Variants in HLF observed in about 807,000 individuals in gnomAD.
HLF encodes the protein HLF transcription factor, PAR bZIP family member, also known as hepatic leukemia factor.
Under a neutral mutation model 22.6 loss-of-function variants are expected in HLF, and 3 were observed. The observed-to-expected ratio is 0.13, with a 90% CI of 0.06 to 0.34. The LOEUF (loss-of-function observed/expected upper bound fraction) is 0.34. Among genes scored for constraint, HLF ranks in the 10% least tolerant of loss-of-function variants. The pLI, the probability that HLF is intolerant of heterozygous loss-of-function variation, is 1.00. For synonymous variants in HLF, 151 were observed against 151.8 expected, an observed-to-expected ratio of 0.99 and a Z score of 0.04; for missense variants, 299 against 389.2, an observed-to-expected ratio of 0.77 and a Z score of 1.95.
intron 2 of HLF, among the ~76,000 whole-genome samples, chr17:55,313,796 A>G (rs764369125): frequency 1.3e-5 from 2 of 152,100 alleles, no homozygotes; most frequent in Non-Finnish European, 2.9e-5. Flanking sequence ...CCAGCACCTC[A>G]GGGCCCATCT....
chr17:55,265,318 C>T lies in HLF; in HGVS notation c.-167C>T. The T allele has an allele frequency of 3.6e-6, 2 of 552,632 alleles. No individual in the cohort carries two copies. The highest frequency in any genetic ancestry group is 6.3e-6 in the Non-Finnish European group (2 of 316,050). The allele number at this position is 552,632 out of a possible 1,614,324, so 34.2% of individuals were successfully genotyped here. A position where few individuals can be genotyped will look rare whatever the true frequency, so the allele number is the denominator to read the frequency against. Reference sequence around the variant, plus strand: ...TTTTTTTTTAATATATATTTTTATGCAGATGTATTTATAAAGATATAAGTA... The same window carrying T: ...TTTTTTTTTAATATATATTTTTATGTAGATGTATTTATAAAGATATAAGTA... On this transcript the variant is annotated 5_prime_UTR_variant, in exon 1 of 4. The change creates a premature stop within an existing upstream ORF in the 5' untranslated region. Transcript: ENST00000226067.
At chr17:55,312,594 T>A (rs1256029864) in intron 2 of HLF, among the ~76,000 whole-genome samples, 3 of 152,240 alleles carry the variant, frequency 2.0e-5, no homozygotes, top group Non-Finnish European at 4.4e-5. Context: ...ACTTGAGATA[T>A]GTGGGTAGTA....
chr17:55,265,318 C>G lies in HLF; in HGVS notation c.-167C>G. The G allele has an allele frequency of 3.6e-6, 2 of 552,632 alleles. No homozygotes were observed. Among genetic ancestry groups the G allele is most frequent in the South Asian group, 2.4e-5 (1 of 41,966 alleles). The allele number at this position is 552,632 out of a possible 1,614,324, so 34.2% of individuals were successfully genotyped here. ...TTTTTTTTTAATATATATTTTTATG[C>G]AGATGTATTTATAAAGATATAAGTA... On this transcript the variant is annotated 5_prime_UTR_variant, in exon 1 of 4. Transcript: ENST00000226067.
intron 2 of HLF, among the ~76,000 whole-genome samples, chr17:55,277,274 T>TGTGCGCGC (rs71361764): frequency 8.8e-6 from 1 of 113,896 alleles, no homozygotes; most frequent in African/African-American, 3.3e-5. Context: ...TGTGTGTGTG[T>TGTGCGCGC]GCGCGCGCAT....
chr17:55,281,323 G>C (rs2080953431), intron 2 of HLF, among the ~76,000 whole-genome samples: 1 of 152,196 alleles, frequency 6.6e-6, no homozygotes, highest in African/African-American at 2.4e-5. Flanking sequence ...AGACCAGCCT[G>C]ACCAACATGG....
intron 2 of HLF, among the ~76,000 whole-genome samples, chr17:55,274,932 A>G (rs908296244): frequency 1.3e-5 from 2 of 152,194 alleles, no homozygotes; most frequent in Non-Finnish European, 2.9e-5. Flanking sequence ...AATTAAGAAC[A>G]CTGGTCAAGA....
chr17:55,310,521 T>C lies in HLF; in HGVS notation c.452-4706T>C, dbSNP rs116297853. On this transcript the variant is annotated intron_variant, in intron 2 of 3. Transcript: ENST00000226067. ...AAGATACTAGAACAAGCCTTTATATTGAAGGATCTGAAGAATTAAAAGCAT... is the reference window on the plus strand; with the variant it reads ...AAGATACTAGAACAAGCCTTTATATCGAAGGATCTGAAGAATTAAAAGCAT... 9.3e-3 allele frequency among the ~76,000 whole-genome samples: 1,417 copies of C among 152,320 alleles called. 23 individuals are homozygous for C. Among genetic ancestry groups the C allele is most frequent in the African/African-American group, 0.032 (1,349 of 41,564 alleles).
intron 2 of HLF, among the ~76,000 whole-genome samples, chr17:55,275,606 A>G (rs2080898156): frequency 6.6e-6 from 1 of 152,224 alleles, no homozygotes; most frequent in Non-Finnish European, 1.5e-5. Flanking sequence ...AAGACTTTAC[A>G]TAAGCATTCC....
chr17:55,324,913 C>T lies in HLF; in HGVS notation c.*4034C>T, dbSNP rs1198660621. ...CAATAATCCATTATCCTTTTGGCAA[C>T]ACCACAAAGATCGCATCTGTTAAAC... On this transcript the variant is annotated 3_prime_UTR_variant, in exon 4 of 4. Transcript: ENST00000226067. The T allele has an allele frequency of 3.0e-5, 7 of 231,600 alleles. No homozygotes were observed. Among genetic ancestry groups the T allele is most frequent in the Non-Finnish European group, 6.0e-5 (7 of 116,842 alleles). 14.3% of individuals were successfully genotyped at this position (231,600 alleles called of 1,614,324 possible). A position where few individuals can be genotyped will look rare whatever the true frequency, so the allele number is the denominator to read the frequency against.
At chr17:55,299,177 C>G (rs529450000) in intron 2 of HLF, among the ~76,000 whole-genome samples, 1 of 152,338 alleles carries the variant, frequency 6.6e-6, no homozygotes, top group South Asian at 2.1e-4. Flanking sequence ...GCATAAAGTC[C>G]ATTTTGTTTA....
chr17:55,307,473 C>G (rs1272431731), intron 2 of HLF, among the ~76,000 whole-genome samples: 1 of 152,036 alleles, frequency 6.6e-6, no homozygotes, highest in Non-Finnish European at 1.5e-5. Context: ...CCAGCCTTCT[C>G]TCAGTAGCAT....
At chr17:55,288,785 T>C (rs4299205) in intron 2 of HLF, 1 of 308,966 alleles carries the variant, frequency 3.2e-6, no homozygotes, top group Non-Finnish European at 4.7e-6. Flanking sequence ...TTAAAAAAAA[T>C]ATTCAAGAAT....
rs528354448 is a variant in HLF at position 55,308,968 on chromosome 17, A to G, written c.452-6259A>G. Among the ~76,000 whole-genome samples the G allele has an allele frequency of 2.0e-5, 3 of 152,358 alleles. No individual in the cohort carries two copies. In the East Asian group the frequency reaches 5.8e-4, roughly 29 times the overall value. On this transcript the variant is annotated intron_variant, in intron 2 of 3. Coordinates refer to ENST00000226067, the MANE Select transcript of HLF (RefSeq NM_002126.5). ...GACTGGGCATGTTTATGGTAATGAC[A>G]GAAGTGCTACAGAAAAGGGGCAGAA...
chr17:55,320,689 G>A lies in HLF; in HGVS notation c.698G>A (p.Arg233Lys), dbSNP rs1225878634. The A allele has an allele frequency of 5.0e-6, 8 of 1,614,074 alleles. No individual in the cohort carries two copies. Among genetic ancestry groups the A allele is most frequent in the Non-Finnish European group, 6.8e-6 (8 of 1,180,018 alleles). ...GATGACAAGTACTGGGCAAGGCGCA[G>A]AAAGAACAACATGGCAGCCAAGCGC... ...LKDDKYWARR[R>K]KNNMAAKRSR... The change falls in exon 4 of 4, where the codon AGA becomes AAA. Residue 233 changes from arginine to lysine, a missense_variant. Around this residue, in one of 3 missense-constraint regions of HLF, gnomAD observed 224 missense variants for 298.1 expected, o/e 0.75. Transcript: ENST00000226067. This position sits in a 1 kb window ranked among gnomAD's most constrained non-coding sequence, Gnocchi z 4.2.
intron 2 of HLF, among the ~76,000 whole-genome samples, chr17:55,301,453 T>G (rs1405431554): frequency 6.6e-6 from 1 of 152,190 alleles, no homozygotes; most frequent in African/African-American, 2.4e-5. Context: ...AATTATAGAG[T>G]TACTTAATCT....
intron 2 of HLF, among the ~76,000 whole-genome samples, chr17:55,310,516 T>A (rs17817923): frequency 0.26 from 39,833 of 151,834 alleles, 5,759 homozygotes; most frequent in Non-Finnish European, 0.33. Flanking sequence ...AACAAGCCTT[T>A]ATATTGAAGG....
rs1905254591 is a variant in HLF, at chr17:55,321,306, A to C, written c.*427A>C. 1 of 251,298 alleles carries C rather than the reference A, an allele frequency of 4.0e-6. No homozygotes were observed. Among genetic ancestry groups the C allele is most frequent in the Non-Finnish European group, 7.8e-6 (1 of 128,008 alleles). The allele number at this position is 251,298 out of a possible 1,614,324, so 15.6% of individuals were successfully genotyped here. A position where few individuals can be genotyped will look rare whatever the true frequency, so the allele number is the denominator to read the frequency against. On this transcript the variant is annotated 3_prime_UTR_variant, in exon 4 of 4. Coordinates refer to ENST00000226067, the MANE Select transcript of HLF (RefSeq NM_002126.5). ...AAAAAGGGCCCTGGTAAAATAGTGG[A>C]TCTCAGTTTTTAAGAGTACAAGCTC...
chr17:55,287,174 G>T (rs753991655), intron 2 of HLF, among the ~76,000 whole-genome samples: 2 of 152,236 alleles, frequency 1.3e-5, no homozygotes, highest in African/African-American at 2.4e-5. Flanking sequence ...TTGAAAAGGT[G>T]AAGTCACCCT....
intron 2 of HLF, among the ~76,000 whole-genome samples, chr17:55,311,759 T>C (rs1038358241): frequency 2.6e-5 from 4 of 152,188 alleles, no homozygotes; most frequent in East Asian, 1.9e-4. Context: ...GGCCTTTGAT[T>C]GAACCCTTCA....
Sources: gnomAD v4.1 joint callset for allele counts (sites outside exome capture counted in the v4.1 genomes callset) on GRCh38, gnomAD v4.1.1 for gene constraint, gnomAD v4.1.1 regional missense constraint, Gnocchi (gnomAD v3.1) non-coding constraint, MANE v1.5 for transcripts, NCBI Gene and HGNC (gene_info 2026-07-23, HGNC 2026-07-21) for gene names.